Variants in DDIT4L observed in about 807,000 individuals in gnomAD.
DDIT4L encodes DNA damage inducible transcript 4 like.
A neutral mutation model predicts 15.9 loss-of-function variants in DDIT4L; 13 were observed. That is an observed-to-expected ratio of 0.82 (90% CI 0.53 to 1.30). The LOEUF (loss-of-function observed/expected upper bound fraction) is 1.30. Ranked by LOEUF, DDIT4L falls within the 50% of genes most tolerant of loss-of-function variation. The probability of loss-of-function intolerance (pLI) is 0.00; values close to 1 mark genes in which losing one functional copy is unlikely to be tolerated. For synonymous variants in DDIT4L, 82 were observed against 85.4 expected (o/e 0.96, Z 0.22); for missense variants, 235 against 224.8 (o/e 1.05, Z -0.29).
rs1244546221 is a variant in DDIT4L at position 100,187,746 on chromosome 4, G to A, written c.513C>T (p.Ser171=). ...SSGFRRTLIL[S]SGFRLVKKKL... ...TTTTCTTAACAAGTCGAAATCCTGA[G>A]CTGAGGATCAGAGTTCTCCTGAAAC... The change falls in exon 3 of 3, where the codon AGC becomes AGT. Residue 171 remains serine (S), a synonymous_variant. Coordinates refer to ENST00000273990, the MANE Select transcript of DDIT4L (RefSeq NM_145244.4). The A allele has an allele frequency of 3.7e-6, 6 of 1,612,260 alleles. No homozygotes were observed. Among genetic ancestry groups the A allele is most frequent in the Admixed American group, 1.7e-5 (1 of 59,484 alleles).
In DDIT4L at chr4:100,190,047, G is replaced by A. The variant is rs999928667; in HGVS notation, c.-49-15C>T. ...TTTCCTGAGCGCTGGAAAAAATGAG[G>A]CGAGAAGAGACGGATTTGCAAAAGC... is the stretch of plus-strand genomic sequence containing the variant. On this transcript the variant is annotated splice_polypyrimidine_tract_variant and intron_variant, in intron 1 of 2. Transcript: ENST00000273990. 2.6e-6 allele frequency: 4 copies of A among 1,512,260 alleles called. No homozygotes were observed. Among genetic ancestry groups the A allele is most frequent in the Non-Finnish European group, 1.8e-6 (2 of 1,090,754 alleles). 93.7% of individuals were successfully genotyped at this position (1,512,260 alleles called of 1,614,324 possible). A position where few individuals can be genotyped will look rare whatever the true frequency, so the allele number is the denominator to read the frequency against.
At position 100,186,507 on chromosome 4, in the gene DDIT4L, C is replaced by T. The variant is rs3819182; in HGVS notation, c.*1170G>A. ...ACTTAGTTGGAATAAGACAAAAAAT[C>T]AGGCCTTTATTATTCCCTAGTGACA... On this transcript the variant is annotated 3_prime_UTR_variant, in exon 3 of 3. Coordinates refer to ENST00000273990, the MANE Select transcript of DDIT4L (RefSeq NM_145244.4). The T allele has an allele frequency of 6.6e-6, 1 of 151,920 alleles. No individual in the cohort carries two copies. Among genetic ancestry groups the T allele is most frequent in the East Asian group, 1.9e-4 (1 of 5,182 alleles). The allele number at this position is 151,920 out of a possible 1,614,324, so 9.4% of individuals were successfully genotyped here.
In DDIT4L at chr4:100,190,398, G is replaced by C. The variant is rs1484102335; in HGVS notation, c.-145C>G. 3 of 191,064 alleles carry C rather than the reference G, an allele frequency of 1.6e-5. No homozygotes were observed. The Admixed American group carries it at 1.8e-4, about 12-fold the overall frequency. The allele number at this position is 191,064 out of a possible 1,614,324, so 11.8% of individuals were successfully genotyped here. A position where few individuals can be genotyped will look rare whatever the true frequency, so the allele number is the denominator to read the frequency against. Reference sequence around the variant, plus strand: ...CCCTCTCCTGGGGACTCGGTGACCTGCAGACCCCAGCAGCCAGCGGCACCC... The same window carrying C: ...CCCTCTCCTGGGGACTCGGTGACCTCCAGACCCCAGCAGCCAGCGGCACCC... On this transcript the variant is annotated 5_prime_UTR_variant, in exon 1 of 3. Transcript: ENST00000273990.
chr4:100,190,085 C>CAG (rs2110149472), intron 1 of DDIT4L, 53 bp from the exon 2 acceptor site: 1 of 1,133,032 alleles, frequency 8.8e-7, no homozygotes, highest in South Asian at 1.3e-5. Context: ...GCGAGTCGTG[C>CAG]AGAGGCTCCT....
chr4:100,187,336 G>T lies in DDIT4L; in HGVS notation c.*341C>A, dbSNP rs1723434517. 5.8e-6 allele frequency: 1 copy of T among 171,176 alleles called. No homozygotes were observed. Among genetic ancestry groups the T allele is most frequent in the Non-Finnish European group, 1.2e-5 (1 of 81,700 alleles). 10.6% of individuals were successfully genotyped at this position (171,176 alleles called of 1,614,324 possible). A position where few individuals can be genotyped will look rare whatever the true frequency, so the allele number is the denominator to read the frequency against. On this transcript the variant is annotated 3_prime_UTR_variant, in exon 3 of 3. Transcript: ENST00000273990. ...TATGAAAATCAAAATAGGCAAATCTGGTTTATATAGTCTATTACCAAGCCT... is the reference window on the plus strand; with the variant it reads ...TATGAAAATCAAAATAGGCAAATCTTGTTTATATAGTCTATTACCAAGCCT...
rs1195155468 is a variant in DDIT4L, at chr4:100,190,364, T to C, written c.-111A>G. 2 of 253,706 alleles carry C rather than the reference T, an allele frequency of 7.9e-6. No homozygotes were observed. The highest frequency in any genetic ancestry group is 2.6e-4 in the East Asian group (2 of 7,772). 15.7% of individuals were successfully genotyped at this position (253,706 alleles called of 1,614,324 possible). On this transcript the variant is annotated 5_prime_UTR_variant, in exon 1 of 3. Transcript: ENST00000273990. Reference sequence around the variant, plus strand: ...CGGGTAAACACAGGCAGGTGGCTTCTTAGGAGTCCCCTCTCCTGGGGACTC... The same window carrying C: ...CGGGTAAACACAGGCAGGTGGCTTCCTAGGAGTCCCCTCTCCTGGGGACTC...
rs1463563933 is a variant in DDIT4L, at chr4:100,187,889, T to A, written c.370A>T (p.Ile124Phe). 3.1e-6 allele frequency: 5 copies of A among 1,613,900 alleles called. No individual in the cohort carries two copies. Among genetic ancestry groups the A allele is most frequent in the Middle Eastern group, 1.6e-4 (1 of 6,084 alleles). ...IENVCKKLDR[I>F]VCDSSVVPTF... ...GGTACGACGCTAGAATCACACACAA[T>A]CCTATCCAGCTTTTTACATACATTT... Residue 124 changes from isoleucine (I) to phenylalanine (F), a missense_variant, in exon 3 of 3, where the codon ATT becomes TTT. Ile to Phe is a conservative substitution (Grantham distance 21). Transcript: ENST00000273990.
At chr4:100,189,408 G>A (rs1043761703) in intron 2 of DDIT4L, among the ~76,000 whole-genome samples, 1 of 152,108 alleles carries the variant, frequency 6.6e-6, no homozygotes. Flanking sequence ...AAAACATTAG[G>A]CTGCGGGAAA....
rs1305158917 is a variant in DDIT4L, at chr4:100,187,742, C to T, written c.517G>A (p.Gly173Arg). ...GFRRTLILSSGFRLVKKKLYS... is the reference protein window; with the variant it reads ...GFRRTLILSSRFRLVKKKLYS... Reference sequence around the variant, plus strand: ...AGTTTTTTCTTAACAAGTCGAAATCCTGAGCTGAGGATCAGAGTTCTCCTG... The same window carrying T: ...AGTTTTTTCTTAACAAGTCGAAATCTTGAGCTGAGGATCAGAGTTCTCCTG... The change falls in exon 3 of 3, where the codon GGA becomes AGA. Residue 173 changes from glycine (G) to arginine (R), a missense_variant. By Grantham distance (125) the Gly-to-Arg change is moderately radical. Transcript: ENST00000273990. 2 of 1,611,774 alleles carry T rather than the reference C, an allele frequency of 1.2e-6. No homozygotes were observed. The highest frequency in any genetic ancestry group is 1.7e-6 in the Non-Finnish European group (2 of 1,179,546).
At position 100,187,771 on chromosome 4, in the gene DDIT4L, C is replaced by G. The variant is rs1482904300; in HGVS notation, c.488G>C (p.Gly163Ala). 6.2e-7 allele frequency: 1 copy of G among 1,612,592 alleles called. No individual in the cohort carries two copies. The stretch of plus-strand genomic sequence containing the variant: ...GCTGAGGATCAGAGTTCTCCTGAAA[C>G]CAGAGGAGAAGCGACCTCTACTAAA... ...FFFSRGRFSS[G>A]FRRTLILSSG... The change falls in exon 3 of 3, where the codon GGT becomes GCT. Residue 163 changes from glycine (G) to alanine (A), a missense_variant. By Grantham distance (60) the Gly-to-Ala change is moderately conservative. Transcript: ENST00000273990.
Position 100,190,460 on chromosome 4 carries a change from C to A in DDIT4L, c.-207G>T, listed in dbSNP as rs1248366335. 5.9e-6 allele frequency: 1 copy of A among 170,024 alleles called. No homozygotes were observed. The highest frequency in any genetic ancestry group is 1.2e-5 in the Non-Finnish European group (1 of 80,066). 10.5% of individuals were successfully genotyped at this position (170,024 alleles called of 1,614,324 possible). A position where few individuals can be genotyped will look rare whatever the true frequency, so the allele number is the denominator to read the frequency against. The stretch of plus-strand genomic sequence containing the variant: ...CCCGGGCCACCCTGCGCCGGCTCCT[C>A]GCAGTAGCATAGCCTCCGGGGCAGC... On this transcript the variant is annotated 5_prime_UTR_variant, in exon 1 of 3. Coordinates refer to ENST00000273990, the MANE Select transcript of DDIT4L (RefSeq NM_145244.4).
At chr4:100,189,777 G>T in intron 2 of DDIT4L, 116 bp downstream of exon 2, 1 of 893,008 alleles carries the variant, frequency 1.1e-6, no homozygotes, top group East Asian at 2.6e-5. Context: ...TCCTCAGATG[G>T]ATTTTGTGGC....
In DDIT4L at chr4:100,187,709, G is replaced by A. The variant is rs750339383; in HGVS notation, c.550C>T (p.Leu184=). The change falls in exon 3 of 3, where the codon CTG becomes TTG. Residue 184 remains leucine, a synonymous_variant. Coordinates refer to ENST00000273990, the MANE Select transcript of DDIT4L (RefSeq NM_145244.4). ...FRLVKKKLYS[L]IGTTVIEGS is the part of the protein sequence containing the mutation. ...CCTTCAATCACTGTTGTTCCAATCA[G>A]TGAGTAAAGTTTTTTCTTAACAAGT... 20 of 1,607,264 alleles carry A rather than the reference G, an allele frequency of 1.2e-5. No individual in the cohort carries two copies. The highest frequency in any genetic ancestry group is 1.7e-5 in the Non-Finnish European group (20 of 1,178,274).
rs184351319 is a variant in DDIT4L at position 100,189,013 on chromosome 4, G to A, written c.92-846C>T. Among the ~76,000 whole-genome samples, 145 of 152,358 alleles carry A rather than the reference G, an allele frequency of 9.5e-4. 1 individual carries two copies. Among genetic ancestry groups the A allele is most frequent in the South Asian group, 2.9e-3 (14 of 4,832 alleles). On this transcript the variant is annotated intron_variant, in intron 2 of 2. Coordinates refer to ENST00000273990, the MANE Select transcript of DDIT4L (RefSeq NM_145244.4). ...CACCACACGGAGTCAAATGAACAAG[G>A]TGCAGGCAGATGCCCTCCCAGCTCC...
rs553786082 is a variant in DDIT4L at position 100,187,757 on chromosome 4, G to C, written c.502C>G (p.Leu168Val). Residue 168 changes from leucine to valine, a missense_variant, in exon 3 of 3, where the codon CTG becomes GTG. Coordinates refer to ENST00000273990, the MANE Select transcript of DDIT4L (RefSeq NM_145244.4). Reference protein sequence around the residue: ...GRFSSGFRRTLILSSGFRLVK... With the variant: ...GRFSSGFRRTVILSSGFRLVK... ...AGTCGAAATCCTGAGCTGAGGATCAGAGTTCTCCTGAAACCAGAGGAGAAG... is the reference window on the plus strand; with the variant it reads ...AGTCGAAATCCTGAGCTGAGGATCACAGTTCTCCTGAAACCAGAGGAGAAG... 7 of 1,612,990 alleles carry C rather than the reference G, an allele frequency of 4.3e-6. No homozygotes were observed. The highest frequency in any genetic ancestry group is 5.9e-6 in the Non-Finnish European group (7 of 1,179,844).
intron 2 of DDIT4L, among the ~76,000 whole-genome samples, chr4:100,188,859 G>C (rs966208837): frequency 6.6e-6 from 1 of 152,154 alleles, no homozygotes; most frequent in African/African-American, 2.4e-5. Flanking sequence ...CCGGCTGGGT[G>C]GTTTTTCTTA....
intron 2 of DDIT4L, 91 bp downstream of exon 2, chr4:100,189,802 G>A: frequency 1.7e-6 from 2 of 1,174,754 alleles, no homozygotes; most frequent in South Asian, 1.3e-5. Context: ...CCTACATAGA[G>A]GTAGGGGAGG....
intron 1 of DDIT4L, 80 bp from the exon 2 acceptor site, chr4:100,190,112 C>T: frequency 1.3e-6 from 1 of 788,892 alleles, no homozygotes; most frequent in Non-Finnish European, 2.1e-6. Flanking sequence ...CCCGGCGTCC[C>T]GGGAGCGAAC....
rs146082044 is a variant in DDIT4L, at chr4:100,187,334, C to A, written c.*343G>T. 2.2e-3 allele frequency: 372 copies of A among 165,424 alleles called. 3 individuals carry two copies. Among genetic ancestry groups the A allele is most frequent in the African/African-American group, 8.6e-3 (364 of 42,084 alleles). 10.2% of individuals were successfully genotyped at this position (165,424 alleles called of 1,614,324 possible). A position where few individuals can be genotyped will look rare whatever the true frequency, so the allele number is the denominator to read the frequency against. Reference sequence around the variant, plus strand: ...CATATGAAAATCAAAATAGGCAAATCTGGTTTATATAGTCTATTACCAAGC... The same window carrying A: ...CATATGAAAATCAAAATAGGCAAATATGGTTTATATAGTCTATTACCAAGC... On this transcript the variant is annotated 3_prime_UTR_variant, in exon 3 of 3. Coordinates refer to ENST00000273990, the MANE Select transcript of DDIT4L (RefSeq NM_145244.4).
Sources: allele counts gnomAD v4.1 joint callset (sites outside exome capture counted in the v4.1 genomes callset), GRCh38; gene constraint gnomAD v4.1.1; transcripts MANE v1.5; gene names NCBI Gene and HGNC (gene_info 2026-07-23, HGNC 2026-07-21).